The following SUSD1 variants were observed in gnomAD, a reference collection of about 807,000 sequenced individuals.
SUSD1 encodes the protein sushi domain-containing protein 1.
A neutral mutation model predicts 86.9 loss-of-function variants in SUSD1; 65 were observed. The ratio of observed to expected loss-of-function variants is 0.75; its 90% confidence interval spans 0.61 to 0.92. The LOEUF (loss-of-function observed/expected upper bound fraction) is 0.92, where lower values mean the gene tolerates loss of function less well. Among genes scored for constraint, SUSD1 ranks in the 40% least tolerant of loss-of-function variants. SUSD1 has a pLI of 0.00. For missense variants in SUSD1, 850 were observed against 929.7 expected, an observed-to-expected ratio of 0.91 and a Z score of 1.11; for synonymous variants, 346 against 350.0, an observed-to-expected ratio of 0.99 and a Z score of 0.13.
Position 112,053,513 on chromosome 9 carries a change from C to CAAAAAA in SUSD1, c.2110-1081_2110-1076dup, listed in dbSNP as rs56987871. On this transcript the variant is annotated intron_variant, in intron 14 of 16. Transcript: ENST00000374270. The stretch of plus-strand genomic sequence containing the variant: ...TGGGCAACAGAATGAGACTTCGTCT[C>CAAAAAA]AAAAAAAAAAAAAAAAAAAAAAAAA... Among the ~76,000 whole-genome samples the CAAAAAA allele has an allele frequency of 1.3e-3, 104 of 77,614 alleles. 7 individuals carry two copies. The highest frequency in any genetic ancestry group is 6.0e-3 in the African/African-American group (98 of 16,340). 50.9% of individuals were successfully genotyped at this position (77,614 alleles called of 152,430 possible). A position where few individuals can be genotyped will look rare whatever the true frequency, so the allele number is the denominator to read the frequency against.
intron 10 of SUSD1, among the ~76,000 whole-genome samples, chr9:112,096,938 G>A (rs1830419228): frequency 6.6e-6 from 1 of 152,120 alleles, no homozygotes; most frequent in African/African-American, 2.4e-5. Context: ...ATGTGTTGGG[G>A]GGTAGGTTTA....
At chr9:112,126,600 G>A (rs780387613) in intron 5 of SUSD1, among the ~76,000 whole-genome samples, 90 of 152,138 alleles carry the variant, frequency 5.9e-4, no homozygotes, top group Non-Finnish European at 1.1e-3. Context: ...AGCTATTCAA[G>A]TTGAACAATC....
intron 5 of SUSD1, among the ~76,000 whole-genome samples, chr9:112,140,076 A>C (rs1832490587): frequency 7.5e-6 from 1 of 134,040 alleles, no homozygotes; most frequent in Admixed American, 7.4e-5. Flanking sequence ...AAATACAAAA[A>C]TTGGGGCCGG....
intron 3 of SUSD1, 37 bp from the exon 4 acceptor site, chr9:112,143,660 A>C (rs1029932430): frequency 8.4e-6 from 13 of 1,554,260 alleles, no homozygotes; most frequent in African/African-American, 1.4e-5. Context: ...AGGAGATAAA[A>C]ACAGAAAAAA....
At chr9:112,109,250 T>G (rs1830987312) in intron 8 of SUSD1, among the ~76,000 whole-genome samples, 1 of 152,208 alleles carries the variant, frequency 6.6e-6, no homozygotes, top group Admixed American at 6.5e-5. Flanking sequence ...TTTTCAACTT[T>G]AAAAGAAGGG....
At chr9:112,055,259 CTA>C in intron 14 of SUSD1, among the ~76,000 whole-genome samples, 1 of 152,074 alleles carries the variant, frequency 6.6e-6, no homozygotes, top group Middle Eastern at 3.2e-3. Flanking sequence ...AATCCTGTCT[CTA>C]TGAAAAATGG....
At chr9:112,095,680 G>T (rs193283812) in intron 10 of SUSD1, among the ~76,000 whole-genome samples, 225 of 152,326 alleles carry the variant, frequency 1.5e-3, no homozygotes, top group African/African-American at 5.2e-3. Context: ...TCAATAATAG[G>T]AGCCTGTGGA....
rs1341712666 is a variant in SUSD1 at position 112,099,014 on chromosome 9, G to A, written c.1282-352C>T. Among the ~76,000 whole-genome samples the A allele has an allele frequency of 5.6e-5, 6 of 106,218 alleles. 1 individual carries two copies. The highest frequency in any genetic ancestry group is 7.2e-4 in the South Asian group (2 of 2,770). The allele number at this position is 106,218 out of a possible 152,430, so 69.7% of individuals were successfully genotyped here. Reference sequence around the variant, plus strand: ...TTCCTCCTTCCCTTCTGAATACTTCGTTCTCTCTCTCTCTCTCTCTCTCTC... The same window carrying A: ...TTCCTCCTTCCCTTCTGAATACTTCATTCTCTCTCTCTCTCTCTCTCTCTC... On this transcript the variant is annotated intron_variant, in intron 9 of 16. Coordinates refer to ENST00000374270, the MANE Select transcript of SUSD1 (RefSeq NM_022486.5).
chr9:112,160,872 T>C (rs1833535299), intron 1 of SUSD1, among the ~76,000 whole-genome samples: 1 of 152,206 alleles, frequency 6.6e-6, no homozygotes, highest in African/African-American at 2.4e-5. Context: ...CCTGGATTCC[T>C]TCACTGATGC....
intron 12 of SUSD1, among the ~76,000 whole-genome samples, chr9:112,066,541 G>A (rs747488733): frequency 4.6e-5 from 7 of 152,136 alleles, no homozygotes; most frequent in Non-Finnish European, 1.0e-4. Context: ...CTGAATGAAC[G>A]GGGCTTGAAA....
chr9:112,138,980 A>T (rs180831000), intron 5 of SUSD1, among the ~76,000 whole-genome samples: 110 of 152,352 alleles, frequency 7.2e-4, no homozygotes, highest in Non-Finnish European at 1.4e-3. Flanking sequence ...GATGAAGTAA[A>T]TGATTTTCTA....
rs1833389765 is a variant in SUSD1, at chr9:112,157,620, C to T, written c.104-7G>A. ...GTGGCACAGACGTCTAAACCTGAAT[C>T]ATAAATTGTATGTTTCAGAAAAAGA... On this transcript the variant is annotated splice_region_variant and splice_polypyrimidine_tract_variant and intron_variant, in intron 1 of 16. Transcript: ENST00000374270. The T allele has an allele frequency of 6.2e-7, 1 of 1,607,496 alleles. No individual in the cohort carries two copies. The highest frequency in any genetic ancestry group is 8.5e-7 in the Non-Finnish European group (1 of 1,175,240).
At chr9:112,072,923 G>T (rs1394109591) in intron 12 of SUSD1, among the ~76,000 whole-genome samples, 1 of 152,228 alleles carries the variant, frequency 6.6e-6, no homozygotes, top group Non-Finnish European at 1.5e-5. Context: ...GGCCCCCAGG[G>T]ATAAGTGTGG....
chr9:112,092,012 G>A (rs911288957), intron 10 of SUSD1, among the ~76,000 whole-genome samples: 20 of 152,148 alleles, frequency 1.3e-4, no homozygotes, highest in African/African-American at 4.8e-4. Context: ...CAGCAGAGGA[G>A]GCCAGCGTTC....
chr9:112,042,088 A>G, intron 15 of SUSD1, 128 bp from the exon 16 acceptor site: 1 of 1,545,026 alleles, frequency 6.5e-7, no homozygotes. Context: ...AATCCCAAGA[A>G]TGCCCAACAT....
Position 112,124,365 on chromosome 9 carries a change from C to T in SUSD1, c.778G>A (p.Gly260Ser), listed in dbSNP as rs372453127. ...LVGNHSSRLG[G>S]VARYVCQEGF... Reference sequence around the variant, plus strand: ...TCTTGACAGACATAGCGAGCCACACCGCCCAGCCTGGAGCTGTGATTTCCT... The same window carrying T: ...TCTTGACAGACATAGCGAGCCACACTGCCCAGCCTGGAGCTGTGATTTCCT... The change falls in exon 6 of 17, where the codon GGT (glycine) becomes AGT (serine). Residue 260 changes from glycine to serine, a missense_variant. By Grantham distance (56) the Gly-to-Ser change is moderately conservative. Coordinates refer to ENST00000374270, the MANE Select transcript of SUSD1 (RefSeq NM_022486.5). The T allele has an allele frequency of 2.2e-5, 35 of 1,614,060 alleles. No individual in the cohort carries two copies. In the Middle Eastern group the frequency reaches 4.9e-4, roughly 23 times the overall value.
chr9:112,147,639 C>A (rs538107978), intron 3 of SUSD1, among the ~76,000 whole-genome samples: 4 of 151,738 alleles, frequency 2.6e-5, no homozygotes, highest in African/African-American at 9.7e-5. Context: ...CGTGGCAGTG[C>A]GCACCTGTAG....
chr9:112,113,339 C>T lies in SUSD1; in HGVS notation c.887-471G>A, dbSNP rs546888819. ...ACATGTCTCACCACACAGGACCATG[C>T]CTCAGAAACAGGTTGGGGCAAACTA... On this transcript the variant is annotated intron_variant, in intron 6 of 16. Transcript: ENST00000374270. The surrounding 1 kb of genome is among the most constrained non-coding windows in gnomAD (Gnocchi z 4.1). Among the ~76,000 whole-genome samples, 80 of 152,276 alleles carry T rather than the reference C, an allele frequency of 5.3e-4. No homozygotes were observed. Among genetic ancestry groups the T allele is most frequent in the Middle Eastern group, 3.4e-3 (1 of 294 alleles).
chr9:112,057,203 A>T (rs750345983), intron 14 of SUSD1, among the ~76,000 whole-genome samples: 6 of 152,194 alleles, frequency 3.9e-5, no homozygotes, highest in Non-Finnish European at 7.3e-5. Flanking sequence ...GAGAGTCCTC[A>T]CTGGGGAACT....
Sources: gnomAD v4.1 joint callset for allele counts (sites outside exome capture counted in the v4.1 genomes callset) on GRCh38, gnomAD v4.1.1 for gene constraint, Gnocchi (gnomAD v3.1) non-coding constraint, MANE v1.5 for transcripts, NCBI Gene and HGNC (gene_info 2026-07-23, HGNC 2026-07-21) for gene names.